The following GPATCH8 variants were observed in gnomAD, a reference collection of about 807,000 sequenced individuals.
GPATCH8 encodes G patch domain-containing protein 8.
A neutral mutation model predicts 118.3 loss-of-function variants in GPATCH8; 18 were observed. That is an observed-to-expected ratio of 0.15 (90% confidence interval 0.11 to 0.23). The LOEUF is 0.23. Ranked by LOEUF, GPATCH8 falls within the 10% of genes least tolerant of loss-of-function variation. The pLI is 1.00. For synonymous variants in GPATCH8, 659 were observed against 684.7 expected, an observed-to-expected ratio of 0.96 and a Z score of 0.59; for missense variants, 1,631 against 1,873.8, an observed-to-expected ratio of 0.87 and a Z score of 2.39.
intron 3 of GPATCH8, among the ~76,000 whole-genome samples, chr17:44,446,533 T>A (rs2050888866): frequency 6.6e-6 from 1 of 151,984 alleles, no homozygotes; most frequent in Non-Finnish European, 1.5e-5. Context: ...ACCACTGCAC[T>A]CCAGCCTGGG....
At chr17:44,496,547 G>A (rs1969680846) in intron 1 of GPATCH8, among the ~76,000 whole-genome samples, 1 of 152,126 alleles carries the variant, frequency 6.6e-6, no homozygotes, top group African/African-American at 2.4e-5. Context: ...GACACTTTCT[G>A]GTTGCTTGAG....
intron 5 of GPATCH8, among the ~76,000 whole-genome samples, chr17:44,433,702 G>A (rs889280590): frequency 6.6e-6 from 1 of 152,170 alleles, no homozygotes; most frequent in Non-Finnish European, 1.5e-5. Context: ...GTCTGAAGCT[G>A]AGGAACTCCA....
chr17:44,427,552 G>A (rs2050133460), intron 5 of GPATCH8, among the ~76,000 whole-genome samples: 1 of 152,030 alleles, frequency 6.6e-6, no homozygotes, highest in African/African-American at 2.4e-5. Flanking sequence ...GTTATATGCT[G>A]TCAGAAAATA....
At chr17:44,434,542 A>G (rs924414080) in intron 5 of GPATCH8, among the ~76,000 whole-genome samples, 2 of 152,076 alleles carry the variant, frequency 1.3e-5, no homozygotes, top group Non-Finnish European at 2.9e-5. Flanking sequence ...CATCTCTACT[A>G]AAAACACAAA....
intron 2 of GPATCH8, among the ~76,000 whole-genome samples, chr17:44,469,925 C>G (rs1051306660): frequency 1.3e-5 from 2 of 152,196 alleles, no homozygotes; most frequent in African/African-American, 4.8e-5. Context: ...CAGATCTAGA[C>G]AGATATGCAA....
intron 3 of GPATCH8, among the ~76,000 whole-genome samples, chr17:44,447,791 C>T (rs2050942157): frequency 6.6e-6 from 1 of 152,132 alleles, no homozygotes; most frequent in African/African-American, 2.4e-5. Flanking sequence ...CACACCACAC[C>T]TACCCCATCC....
Position 44,397,506 on chromosome 17 carries a change from A to G in GPATCH8, c.*62T>C. On this transcript the variant is annotated 3_prime_UTR_variant, in exon 8 of 8. Transcript: ENST00000591680. ...TACTTGCTGGTATTAATGGCTCAAC[A>G]CCCCCAAGGGAACATTTATGGGTCT... The G allele has an allele frequency of 8.7e-7, 1 of 1,148,586 alleles. No homozygotes were observed. The highest frequency in any genetic ancestry group is 1.3e-6 in the Non-Finnish European group (1 of 758,448). The allele number at this position is 1,148,586 out of a possible 1,614,324, so 71.1% of individuals were successfully genotyped here. A position where few individuals can be genotyped will look rare whatever the true frequency, so the allele number is the denominator to read the frequency against.
chr17:44,448,534 GAAGGAAGAAGAAGAGGAA>G, intron 3 of GPATCH8, among the ~76,000 whole-genome samples: 1 of 77,986 alleles, frequency 1.3e-5, no homozygotes, highest in Non-Finnish European at 2.8e-5. Flanking sequence ...GGAAGAAGAA[GAAGGAAGAAGAAGAGGAA>G]GAGGAAGAAG....
At chr17:44,422,134 T>TA (rs550753848) in intron 6 of GPATCH8, among the ~76,000 whole-genome samples, 50 of 152,180 alleles carry the variant, frequency 3.3e-4, no homozygotes, top group Non-Finnish European at 6.2e-4. Context: ...AGTATATACT[T>TA]AGATACTAAA....
chr17:44,436,179 C>T (rs2050508857), intron 4 of GPATCH8, among the ~76,000 whole-genome samples: 1 of 152,006 alleles, frequency 6.6e-6, no homozygotes, highest in African/African-American at 2.4e-5. Context: ...CTGAGCAACA[C>T]TGCCTACTGA....
chr17:44,434,662 AC>A (rs1291731781), intron 5 of GPATCH8, among the ~76,000 whole-genome samples: 1 of 152,064 alleles, frequency 6.6e-6, no homozygotes, highest in Non-Finnish European at 1.5e-5. Context: ...ACATGGTGAA[AC>A]CCCGTCTCTA....
At chr17:44,477,237 G>A (rs1201861287) in intron 1 of GPATCH8, among the ~76,000 whole-genome samples, 4 of 152,204 alleles carry the variant, frequency 2.6e-5, no homozygotes, top group African/African-American at 7.2e-5. Flanking sequence ...AGTCCTTGAG[G>A]ACAAGAACTG....
intron 3 of GPATCH8, among the ~76,000 whole-genome samples, chr17:44,461,583 T>G (rs1333696856): frequency 1.3e-5 from 2 of 152,200 alleles, no homozygotes; most frequent in Non-Finnish European, 2.9e-5. Flanking sequence ...AGTTATTGAG[T>G]ACTTACTATA....
chr17:44,500,986 TACC>T (rs747762168), intron 1 of GPATCH8, among the ~76,000 whole-genome samples: 4 of 152,056 alleles, frequency 2.6e-5, no homozygotes, highest in Non-Finnish European at 5.9e-5. Context: ...TCTAGAAAAA[TACC>T]ACTTTATTTT....
At chr17:44,495,103 G>A (rs1234553860) in intron 1 of GPATCH8, among the ~76,000 whole-genome samples, 1 of 152,152 alleles carries the variant, frequency 6.6e-6, no homozygotes, top group Non-Finnish European at 1.5e-5. Context: ...GGGAGGCCAA[G>A]GCGGGCAGAT....
chr17:44,444,849 T>C (rs1423188791), intron 3 of GPATCH8, among the ~76,000 whole-genome samples: 3 of 152,216 alleles, frequency 2.0e-5, no homozygotes, highest in Non-Finnish European at 2.9e-5. Context: ...TGACACAGTA[T>C]GTAGGCCAGA....
At chr17:44,484,714 TGTGA>T (rs371812601) in intron 1 of GPATCH8, among the ~76,000 whole-genome samples, 39 of 152,350 alleles carry the variant, frequency 2.6e-4, no homozygotes, top group African/African-American at 6.0e-4. Context: ...TTCTTTTGGC[TGTGA>T]GTTTCAAAAA....
intron 3 of GPATCH8, among the ~76,000 whole-genome samples, chr17:44,462,714 G>A (rs564695027): frequency 6.6e-6 from 1 of 152,192 alleles, no homozygotes; most frequent in East Asian, 1.9e-4. Flanking sequence ...CAGGCGCGGT[G>A]GCTCACACCT....
chr17:44,435,411 C>CTTTTTTTT (rs566253126), intron 4 of GPATCH8, among the ~76,000 whole-genome samples: 31 of 99,746 alleles, frequency 3.1e-4, no homozygotes, highest in African/African-American at 4.9e-4. Context: ...TCTTTCTTTC[C>CTTTTTTTT]TTTTTTTTTT....
Sources: allele counts gnomAD v4.1 joint callset (sites outside exome capture counted in the v4.1 genomes callset), GRCh38; gene constraint gnomAD v4.1.1; transcripts MANE v1.5; gene names NCBI Gene and HGNC (gene_info 2026-07-23, HGNC 2026-07-21).